Variants in ONECUT2 observed in about 807,000 individuals in gnomAD.
ONECUT2 encodes the protein one cut homeobox 2.
ONECUT2 carries 10 observed loss-of-function variants against 27.9 expected under a neutral mutation model. The ratio of observed to expected loss-of-function variants is 0.36; its 90% CI spans 0.22 to 0.61. The LOEUF is 0.61. Among genes scored for constraint, ONECUT2 ranks in the 20% least tolerant of loss-of-function variants. The pLI, the probability that ONECUT2 is intolerant of heterozygous loss-of-function variation, is 0.73. For missense variants in ONECUT2, 686 were observed against 721.0 expected (o/e 0.95, Z 0.56); for synonymous variants, 334 against 315.1 (o/e 1.06, Z -0.64).
At chr18:57,437,110 C>G (rs973196111) in intron 1 of ONECUT2, among the ~76,000 whole-genome samples, 166 bp downstream of exon 1, 23 of 152,120 alleles carry the variant, frequency 1.5e-4, no homozygotes, top group Middle Eastern at 3.2e-3. Flanking sequence ...TTTTCTCTTT[C>G]TCTTCCGCTC....
chr18:57,452,942 C>G (rs184057125), intron 1 of ONECUT2, among the ~76,000 whole-genome samples: 1 of 152,142 alleles, frequency 6.6e-6, no homozygotes, highest in Admixed American at 6.5e-5. Flanking sequence ...GAAGGGATAT[C>G]AAAAAGATCA....
intron 1 of ONECUT2, among the ~76,000 whole-genome samples, chr18:57,460,883 G>T (rs1049337597): frequency 6.6e-6 from 1 of 151,822 alleles, no homozygotes; most frequent in African/African-American, 2.4e-5. Context: ...TAGAGACAGG[G>T]TGTCACTCTC....
rs1213306853 is a variant in ONECUT2, at chr18:57,489,778, A to G, written c.*13055A>G. On this transcript the variant is annotated 3_prime_UTR_variant, in exon 2 of 2. Coordinates refer to ENST00000491143, the MANE Select transcript of ONECUT2 (RefSeq NM_004852.3). ...GTGTTACACAAGTCCAAGTGGTGCC[A>G]GCAAACTTCTTACCGTGAAATGTTG... 1 of 152,186 alleles carries G rather than the reference A, an allele frequency of 6.6e-6. No individual in the cohort carries two copies. The highest frequency in any genetic ancestry group is 1.5e-5 in the Non-Finnish European group (1 of 68,030). The allele number at this position is 152,186 out of a possible 1,614,324, so 9.4% of individuals were successfully genotyped here.
In ONECUT2 at chr18:57,486,800, A is replaced by G. The variant is rs928199715; in HGVS notation, c.*10077A>G. On this transcript the variant is annotated 3_prime_UTR_variant, in exon 2 of 2. Coordinates refer to ENST00000491143, the MANE Select transcript of ONECUT2 (RefSeq NM_004852.3). ...TTTGCTGAAGAAACAATCTGTGTTCATTTGCTCTGTTGAAAAGAATAATTA... is the reference window on the plus strand; with the variant it reads ...TTTGCTGAAGAAACAATCTGTGTTCGTTTGCTCTGTTGAAAAGAATAATTA... 1.3e-5 allele frequency: 2 copies of G among 152,576 alleles called. No individual in the cohort carries two copies. Among genetic ancestry groups the G allele is most frequent in the Non-Finnish European group, 2.9e-5 (2 of 68,004 alleles). 9.5% of individuals were successfully genotyped at this position (152,576 alleles called of 1,614,324 possible).
intron 1 of ONECUT2, among the ~76,000 whole-genome samples, chr18:57,473,232 G>A (rs2050363729): frequency 6.6e-6 from 1 of 152,222 alleles, no homozygotes; most frequent in African/African-American, 2.4e-5. Context: ...TTCCCTACAA[G>A]AGAAGTGTTT....
intron 1 of ONECUT2, among the ~76,000 whole-genome samples, chr18:57,463,403 C>T (rs2050303579): frequency 6.6e-6 from 1 of 152,126 alleles, no homozygotes; most frequent in Admixed American, 6.5e-5. Context: ...TCTAGAATAG[C>T]TTAACTGTTC....
Position 57,471,226 on chromosome 18 carries a change from G to A in ONECUT2, c.1229-5211G>A, listed in dbSNP as rs562103647. Among the ~76,000 whole-genome samples the A allele has an allele frequency of 7.2e-5, 11 of 152,328 alleles. No homozygotes were observed. The East Asian group carries it at 2.1e-3, about 29-fold the overall frequency. On this transcript the variant is annotated intron_variant, in intron 1 of 1. Transcript: ENST00000491143. Reference sequence around the variant, plus strand: ...CCACATACCTTTGTGCTGCCCATGGGTAGGCGATGGACAGGGCCAGGGCCG... The same window carrying A: ...CCACATACCTTTGTGCTGCCCATGGATAGGCGATGGACAGGGCCAGGGCCG...
intron 1 of ONECUT2, among the ~76,000 whole-genome samples, chr18:57,437,732 C>T (rs1053243286): frequency 1.3e-5 from 2 of 152,258 alleles, no homozygotes; most frequent in African/African-American, 4.8e-5. Flanking sequence ...GTGGAAAGCG[C>T]TTTGCCTTGC....
At chr18:57,444,542 A>G in intron 1 of ONECUT2, 2 of 420,990 alleles carry the variant, frequency 4.8e-6, no homozygotes, top group Non-Finnish European at 9.5e-6. Flanking sequence ...CTCCTGGAGC[A>G]AGCTTGGAGT....
At position 57,477,536 on chromosome 18, in the gene ONECUT2, T is replaced by C. The variant is rs1014520346; in HGVS notation, c.*813T>C. ...GAAGTGAGGAAGGTTCTGGGTTCAC[T>C]ACATCTGGATTTTCAAGACACCTAT... is the stretch of plus-strand genomic sequence containing the variant. On this transcript the variant is annotated 3_prime_UTR_variant, in exon 2 of 2. Coordinates refer to ENST00000491143, the MANE Select transcript of ONECUT2 (RefSeq NM_004852.3). The C allele has an allele frequency of 6.6e-6, 1 of 152,616 alleles. No individual in the cohort carries two copies. The highest frequency in any genetic ancestry group is 6.5e-5 in the Admixed American group (1 of 15,276). The allele number at this position is 152,616 out of a possible 1,614,324, so 9.5% of individuals were successfully genotyped here. A position where few individuals can be genotyped will look rare whatever the true frequency, so the allele number is the denominator to read the frequency against.
chr18:57,480,619 A>G lies in ONECUT2; in HGVS notation c.*3896A>G, dbSNP rs1208949569. 6.6e-6 allele frequency: 1 copy of G among 152,122 alleles called. No homozygotes were observed. Among genetic ancestry groups the G allele is most frequent in the Non-Finnish European group, 1.5e-5 (1 of 68,012 alleles). 9.4% of individuals were successfully genotyped at this position (152,122 alleles called of 1,614,324 possible). A position where few individuals can be genotyped will look rare whatever the true frequency, so the allele number is the denominator to read the frequency against. On this transcript the variant is annotated 3_prime_UTR_variant, in exon 2 of 2. Transcript: ENST00000491143. ...AAGAATTTCTCTCCAAGGAGCTTTA[A>G]TAAATGTCTCATTCCAGATAATGTC...
intron 1 of ONECUT2, among the ~76,000 whole-genome samples, chr18:57,459,221 A>T (rs2050276746): frequency 6.6e-6 from 1 of 152,252 alleles, no homozygotes; most frequent in Admixed American, 6.5e-5. Flanking sequence ...CATCGACTGA[A>T]AGTGAAAGAG....
At chr18:57,459,025 G>T (rs138070481) in intron 1 of ONECUT2, among the ~76,000 whole-genome samples, 43 of 152,162 alleles carry the variant, frequency 2.8e-4, no homozygotes, top group African/African-American at 9.9e-4. Context: ...CCTTTTCTGA[G>T]AATGTCCTGT....
rs1167129174 is a variant in ONECUT2 at position 57,478,571 on chromosome 18, T to C, written c.*1848T>C. The C allele has an allele frequency of 6.6e-6, 1 of 152,658 alleles. No individual in the cohort carries two copies. The highest frequency in any genetic ancestry group is 1.5e-5 in the Non-Finnish European group (1 of 68,046). The allele number at this position is 152,658 out of a possible 1,614,324, so 9.5% of individuals were successfully genotyped here. A position where few individuals can be genotyped will look rare whatever the true frequency, so the allele number is the denominator to read the frequency against. On this transcript the variant is annotated 3_prime_UTR_variant, in exon 2 of 2. Coordinates refer to ENST00000491143, the MANE Select transcript of ONECUT2 (RefSeq NM_004852.3). ...GTTCAAACAGACCTCTTGGGACATT[T>C]TTTGGAAGCAGATTTTAAAGAAAGG... is the stretch of plus-strand genomic sequence containing the variant.
Position 57,436,210 on chromosome 18 carries a change from A to C in ONECUT2, c.494A>C (p.Asp165Ala). ...CTGCCACCCATCTCCACCGTGTCTGACAAGTTCCACCACCCTCACCCGCAC... is the reference window on the plus strand; with the variant it reads ...CTGCCACCCATCTCCACCGTGTCTGCCAAGTTCCACCACCCTCACCCGCAC... ...QPLPPISTVS[D>A]KFHHPHPHHH... The change falls in exon 1 of 2, where the codon GAC (aspartate) becomes GCC (alanine). Residue 165 changes from aspartate to alanine, a missense_variant. Asp to Ala is a moderately radical substitution (Grantham distance 126). Coordinates refer to ENST00000491143, the MANE Select transcript of ONECUT2 (RefSeq NM_004852.3). The surrounding 1 kb of genome is among the most constrained non-coding windows in gnomAD (Gnocchi z 5.9). 6.2e-7 allele frequency: 1 copy of C among 1,606,276 alleles called. No individual in the cohort carries two copies. The highest frequency in any genetic ancestry group is 8.5e-7 in the Non-Finnish European group (1 of 1,178,494).
intron 1 of ONECUT2, among the ~76,000 whole-genome samples, chr18:57,441,352 A>G (rs3911641): frequency 0.32 from 48,807 of 152,242 alleles, 9,606 homozygotes; most frequent in South Asian, 0.55. Flanking sequence ...CAGAGCGCTC[A>G]CCAGCGCCAC....
In ONECUT2 at chr18:57,436,286, C is replaced by A; in HGVS notation, c.570C>A (p.Asn190Lys). Residue 190 changes from asparagine (N) to lysine (K), a missense_variant, in exon 1 of 2, where the codon AAC (asparagine) becomes AAA (lysine). Physicochemically the swap from Asn to Lys is moderately conservative, Grantham distance 94. Transcript: ENST00000491143. The surrounding 1 kb of genome is among the most constrained non-coding windows in gnomAD (Gnocchi z 5.9). Reference sequence around the variant, plus strand: ...ACCACCACCAGCGCCTGTCCGGCAACGTCAGCGGCAGCTTCACCCTCATGC... The same window carrying A: ...ACCACCACCAGCGCCTGTCCGGCAAAGTCAGCGGCAGCTTCACCCTCATGC... Reference protein sequence around the residue: ...HHHHHQRLSGNVSGSFTLMRD... With the variant: ...HHHHHQRLSGKVSGSFTLMRD... 2 of 1,604,808 alleles carry A rather than the reference C, an allele frequency of 1.2e-6. 1 individual carries two copies. Among genetic ancestry groups the A allele is most frequent in the Middle Eastern group, 3.3e-4 (2 of 6,060 alleles).
intron 1 of ONECUT2, among the ~76,000 whole-genome samples, chr18:57,472,729 T>C (rs1403425178): frequency 1.3e-5 from 2 of 152,162 alleles, no homozygotes; most frequent in Non-Finnish European, 2.9e-5. Context: ...TTTAAATATA[T>C]GTATCTCACA....
chr18:57,454,572 G>T (rs931579961), intron 1 of ONECUT2, among the ~76,000 whole-genome samples: 2 of 152,188 alleles, frequency 1.3e-5, no homozygotes, highest in East Asian at 3.9e-4. Context: ...CGCCATAAGG[G>T]TATATGGCAC....
Sources: gnomAD v4.1 joint callset for allele counts (sites outside exome capture counted in the v4.1 genomes callset) on GRCh38, gnomAD v4.1.1 for gene constraint, Gnocchi (gnomAD v3.1) non-coding constraint, MANE v1.5 for transcripts, NCBI Gene and HGNC (gene_info 2026-07-23, HGNC 2026-07-21) for gene names.